CCDC144A: variants seen among roughly 807,000 people sequenced by gnomAD.
The protein encoded by CCDC144A is coiled-coil domain-containing protein 144A.
CCDC144A carries 41 observed loss-of-function variants against 143.8 expected under a neutral mutation model. The observed-to-expected ratio is 0.29, with a 90% CI of 0.22 to 0.37. The LOEUF (loss-of-function observed/expected upper bound fraction) is 0.37, where lower values mean the gene tolerates loss of function less well. CCDC144A is among the 10% of genes least tolerant of loss of function. The probability of loss-of-function intolerance (pLI) is 1.00; values close to 1 mark genes in which losing one functional copy is unlikely to be tolerated. For synonymous variants in CCDC144A, 242 were observed against 517.9 expected, an observed-to-expected ratio of 0.47 and a Z score of 7.23; for missense variants, 637 against 1,488.8, an observed-to-expected ratio of 0.43 and a Z score of 9.41.
the CCDC144A span, among the ~76,000 whole-genome samples, chr17:16,668,020 C>T: frequency 4.1e-5 from 6 of 146,840 alleles, no homozygotes; most frequent in East Asian, 2.2e-4. Flanking sequence ...AGTTAACATG[C>T]ACCATTTTGC....
intron 6 of CCDC144A, among the ~76,000 whole-genome samples, chr17:16,714,803 C>T (rs1434421912): frequency 2.0e-5 from 3 of 151,940 alleles, no homozygotes; most frequent in African/African-American, 4.8e-5. Flanking sequence ...GAAGGCAACA[C>T]ACAATATGCC....
intron 2 of CCDC144A, among the ~76,000 whole-genome samples, chr17:16,695,907 T>G (rs1567582964): frequency 6.6e-6 from 1 of 152,126 alleles, no homozygotes; most frequent in Non-Finnish European, 1.5e-5. Flanking sequence ...AGTGCAAAAG[T>G]AAGATGCTTG....
At chr17:16,708,439 C>A (rs116451799) in intron 4 of CCDC144A, among the ~76,000 whole-genome samples, 1,960 of 152,122 alleles carry the variant, frequency 0.013, 50 homozygotes, top group African/African-American at 0.045. Context: ...CAAGTGAGGA[C>A]GCCTTTGTAA....
intron 12 of CCDC144A, among the ~76,000 whole-genome samples, chr17:16,742,077 A>G (rs976567975): frequency 2.0e-5 from 3 of 151,630 alleles, no homozygotes; most frequent in African/African-American, 7.3e-5. Flanking sequence ...GTGACAGAGC[A>G]AGACTCTGTC....
rs535148229 is a variant in CCDC144A at position 16,754,907 on chromosome 17, A to G, written c.3373-6518A>G. ...GTTTGCCTTATATATCTGTGTGCTC[A>G]GGTATTGAGTATATATACCTTTATG... On this transcript the variant is annotated intron_variant, in intron 12 of 16. Transcript: ENST00000399273. Among the ~76,000 whole-genome samples, 393 of 152,304 alleles carry G rather than the reference A, an allele frequency of 2.6e-3. 3 individuals are homozygous for G. Among genetic ancestry groups the G allele is most frequent in the African/African-American group, 9.2e-3 (382 of 41,548 alleles).
intron 6 of CCDC144A, among the ~76,000 whole-genome samples, chr17:16,718,833 T>TG (rs1912922955): frequency 9.4e-6 from 1 of 105,932 alleles, no homozygotes; most frequent in African/African-American, 4.8e-5. Context: ...TTATAAAGTG[T>TG]TTTTTTTTTT....
intron 8 of CCDC144A, among the ~76,000 whole-genome samples, chr17:16,726,179 C>A (rs1913408025): frequency 6.6e-6 from 1 of 151,306 alleles, no homozygotes; most frequent in Non-Finnish European, 1.5e-5. Context: ...GAGATCGAGA[C>A]CATCCTGGCT....
At chr17:16,746,658 G>C in intron 12 of CCDC144A, 1 of 1,612,152 alleles carries the variant, frequency 6.2e-7, no homozygotes, top group South Asian at 1.1e-5. Flanking sequence ...TAAAGACTCA[G>C]GTCGGCGGCG....
upstream of CCDC144A, among the ~76,000 whole-genome samples, chr17:16,684,885 T>A (rs1416608135): frequency 6.6e-6 from 1 of 152,088 alleles, no homozygotes; most frequent in Non-Finnish European, 1.5e-5. Context: ...TGACTTGAGC[T>A]GGGGAGGTCG....
chr17:16,747,031 A>G (rs1266170009), intron 12 of CCDC144A, among the ~76,000 whole-genome samples: 1 of 151,298 alleles, frequency 6.6e-6, no homozygotes, highest in Non-Finnish European at 1.5e-5. Context: ...TAGGATTTTT[A>G]TAGTTAGAGG....
intron 12 of CCDC144A, among the ~76,000 whole-genome samples, chr17:16,754,046 G>A (rs1914952460): frequency 6.6e-6 from 1 of 152,146 alleles, no homozygotes; most frequent in African/African-American, 2.4e-5. Context: ...TTTCTTCTTG[G>A]TTCATTCTTG....
Position 16,701,781 on chromosome 17 carries a change from G to T in CCDC144A, c.416-3370G>T, listed in dbSNP as rs550312692. 5.3e-5 allele frequency among the ~76,000 whole-genome samples: 8 copies of T among 151,124 alleles called. No individual in the cohort carries two copies. In the South Asian group the frequency reaches 8.3e-4, roughly 16 times the overall value. On this transcript the variant is annotated intron_variant, in intron 2 of 16. Coordinates refer to ENST00000399273, the MANE Select transcript of CCDC144A (RefSeq NM_001382000.1). ...CGTGATCTCTGTAGACGTTTGCCAC[G>T]TAACGGGGAGGGTGGGGAAAAATGG...
At chr17:16,684,726 G>A (rs1910720285), upstream of CCDC144A, among the ~76,000 whole-genome samples, 1 of 151,934 alleles carries the variant, frequency 6.6e-6, no homozygotes, top group Non-Finnish European at 1.5e-5. Flanking sequence ...CAATTTAGGA[G>A]GCCCAAATGA....
chr17:16,672,614 C>G, the CCDC144A span, among the ~76,000 whole-genome samples: 1 of 152,044 alleles, frequency 6.6e-6, no homozygotes, highest in African/African-American at 2.4e-5. Context: ...TAACATTAAC[C>G]TATATTTAAT....
chr17:16,753,434 T>TGTTGTTG (rs1307923345), intron 12 of CCDC144A, among the ~76,000 whole-genome samples: 65 of 118,564 alleles, frequency 5.5e-4, no homozygotes, highest in Middle Eastern at 4.6e-3. Context: ...TGTAGTTTTT[T>TGTTGTTG]TTTTTTTTTT....
chr17:16,717,439 T>C (rs1912840891), intron 6 of CCDC144A, among the ~76,000 whole-genome samples: 1 of 152,136 alleles, frequency 6.6e-6, no homozygotes, highest in African/African-American at 2.4e-5. Flanking sequence ...GGCATTCATC[T>C]TCCATTCTTA....
rs576783846 is a variant in CCDC144A, at chr17:16,693,356, G to A, written c.415+307G>A. On this transcript the variant is annotated intron_variant, in intron 2 of 16. Coordinates refer to ENST00000399273, the MANE Select transcript of CCDC144A (RefSeq NM_001382000.1). The stretch of plus-strand genomic sequence containing the variant: ...TTTTTTGAGACGGAGTCTCGCTGTC[G>A]CCCAGGCTGGAGTGCAGTGGTGCGA... Among the ~76,000 whole-genome samples, 8 of 150,064 alleles carry A rather than the reference G, an allele frequency of 5.3e-5. No individual in the cohort carries two copies. The South Asian group carries it at 6.3e-4, about 12-fold the overall frequency.
intron 6 of CCDC144A, among the ~76,000 whole-genome samples, chr17:16,712,960 A>G (rs1313523671): frequency 1.9e-4 from 29 of 152,058 alleles, no homozygotes; most frequent in Non-Finnish European, 1.3e-4. Flanking sequence ...AATTCTAGTT[A>G]TTAAATTTTT....
At chr17:16,673,085 C>T in the CCDC144A span, among the ~76,000 whole-genome samples, 2 of 152,044 alleles carry the variant, frequency 1.3e-5, no homozygotes, top group African/African-American at 4.8e-5. Flanking sequence ...TATAAAGTCA[C>T]AGGTTATATC....
Sources: gnomAD v4.1 joint callset for allele counts (sites outside exome capture counted in the v4.1 genomes callset) on GRCh38, gnomAD v4.1.1 for gene constraint, MANE v1.5 for transcripts, NCBI Gene and HGNC (gene_info 2026-07-23, HGNC 2026-07-21) for gene names.